CTNNA2: variants seen among roughly 807,000 people sequenced by gnomAD.
The protein encoded by CTNNA2 is catenin alpha 2, also known as catenin alpha-2.
Under a neutral mutation model 101.0 loss-of-function variants are expected in CTNNA2, and 42 were observed. That is an observed-to-expected ratio of 0.42 (90% CI 0.32 to 0.54). CTNNA2 has a LOEUF of 0.54. Among genes scored for constraint, CTNNA2 ranks in the 20% least tolerant of loss-of-function variants. The probability of loss-of-function intolerance (pLI) is 0.14; values close to 1 mark genes in which losing one functional copy is unlikely to be tolerated. For missense variants in CTNNA2, 871 were observed against 1,223.1 expected (o/e 0.71, Z 4.29); for synonymous variants, 450 against 456.4 (o/e 0.99, Z 0.18).
intron 12 of CTNNA2, among the ~76,000 whole-genome samples, chr2:80,570,493 G>GA (rs1694488409): frequency 6.6e-6 from 1 of 152,156 alleles, no homozygotes; most frequent in South Asian, 2.1e-4. Flanking sequence ...TGGTCTCAGA[G>GA]AAAGAGTTTC....
intron 9 of CTNNA2, 31 bp from the exon 10 acceptor site, chr2:80,544,951 C>T: frequency 6.3e-7 from 1 of 1,594,090 alleles, no homozygotes; most frequent in Non-Finnish European, 8.6e-7. Flanking sequence ...TTGCCCCAAC[C>T]TAATATTCAC....
At chr2:79,316,317 T>G (rs542825057) in intron 3 of CTNNA2, among the ~76,000 whole-genome samples, 41 of 152,202 alleles carry the variant, frequency 2.7e-4, no homozygotes, top group African/African-American at 9.4e-4. Flanking sequence ...TGTCTCTTCT[T>G]ATGCCTGTAC....
chr2:79,928,249 G>A (rs755147996), intron 7 of CTNNA2, among the ~76,000 whole-genome samples: 1 of 152,122 alleles, frequency 6.6e-6, no homozygotes, highest in Non-Finnish European at 1.5e-5. Context: ...TCTGTCCTAT[G>A]GCAGCTGTGG....
At chr2:79,718,948 G>T (rs115735645) in intron 2 of CTNNA2, among the ~76,000 whole-genome samples, 6 of 151,866 alleles carry the variant, frequency 4.0e-5, no homozygotes, top group Non-Finnish European at 8.8e-5. Context: ...TGATACAGGG[G>T]GTACATGTAC....
chr2:80,138,236 G>A (rs138870588), intron 7 of CTNNA2, among the ~76,000 whole-genome samples: 2 of 152,148 alleles, frequency 1.3e-5, no homozygotes, highest in African/African-American at 4.8e-5. Context: ...ATCCTTTAGT[G>A]TTGCCTGATC....
chr2:80,312,994 AG>A (rs1158032037), intron 7 of CTNNA2, among the ~76,000 whole-genome samples: 1 of 152,248 alleles, frequency 6.6e-6, no homozygotes, highest in Non-Finnish European at 1.5e-5. Flanking sequence ...TTTATTAACT[AG>A]TTTGAATGCT....
chr2:79,612,652 T>C (rs967872468), intron 1 of CTNNA2, among the ~76,000 whole-genome samples: 2 of 152,164 alleles, frequency 1.3e-5, no homozygotes, highest in African/African-American at 4.8e-5. Flanking sequence ...CTGTTTCTAA[T>C]GACTTAAGAC....
intron 7 of CTNNA2, among the ~76,000 whole-genome samples, chr2:80,324,385 T>C (rs1370950376): frequency 6.6e-6 from 1 of 152,120 alleles, no homozygotes; most frequent in Non-Finnish European, 1.5e-5. Flanking sequence ...TTCTTCAGCT[T>C]TCCTGTGGAT....
At chr2:79,694,601 A>G (rs1037806680) in intron 2 of CTNNA2, among the ~76,000 whole-genome samples, 1 of 151,874 alleles carries the variant, frequency 6.6e-6, no homozygotes, top group African/African-American at 2.4e-5. Context: ...CAGGGAAATA[A>G]CAGATTATAA....
At chr2:79,792,797 G>C (rs530628607) in intron 3 of CTNNA2, among the ~76,000 whole-genome samples, 1 of 152,224 alleles carries the variant, frequency 6.6e-6, no homozygotes, top group East Asian at 1.9e-4. Flanking sequence ...TCACTTGTGA[G>C]TACTCAACAA....
intron 7 of CTNNA2, among the ~76,000 whole-genome samples, chr2:80,054,399 T>A (rs1305187660): frequency 6.6e-6 from 1 of 151,792 alleles, no homozygotes; most frequent in Non-Finnish European, 1.5e-5. Context: ...GTACAGAGAG[T>A]GAAAATTCCA....
intron 2 of CTNNA2, among the ~76,000 whole-genome samples, chr2:79,680,816 G>A (rs1558832367): frequency 6.6e-6 from 1 of 152,140 alleles, no homozygotes; most frequent in Non-Finnish European, 1.5e-5. Flanking sequence ...GTAAAACTCT[G>A]AAAAGAGGTA....
In CTNNA2 at chr2:80,601,636, C is replaced by G. The variant is rs1347863998; in HGVS notation, c.2190-2438C>G. The G allele has an allele frequency of 2.6e-5, 4 of 151,304 alleles. 1 individual carries two copies. In the South Asian group the frequency reaches 8.3e-4, roughly 31 times the overall value. 9.4% of individuals were successfully genotyped at this position (151,304 alleles called of 1,614,324 possible). A position where few individuals can be genotyped will look rare whatever the true frequency, so the allele number is the denominator to read the frequency against. ...TTTTCTAAGGTTATTGCTGTCTTATCTTTTTTACTTTTGGATATTTTTCTC... is the reference window on the plus strand; with the variant it reads ...TTTTCTAAGGTTATTGCTGTCTTATGTTTTTTACTTTTGGATATTTTTCTC... On this transcript the variant is annotated intron_variant, in intron 15 of 18. Transcript: ENST00000402739.
At chr2:79,698,069 T>TATTC (rs1343461078) in intron 2 of CTNNA2, among the ~76,000 whole-genome samples, 6 of 152,114 alleles carry the variant, frequency 3.9e-5, no homozygotes, top group African/African-American at 1.4e-4. Context: ...TTTATTTATT[T>TATTC]ATTTTTGGTG....
intron 4 of CTNNA2, among the ~76,000 whole-genome samples, chr2:79,421,179 A>G (rs576587843): frequency 1.3e-5 from 2 of 152,170 alleles, no homozygotes; most frequent in Non-Finnish European, 2.9e-5. Flanking sequence ...ATTTATTAAA[A>G]GCTACTAAGT....
intron 3 of CTNNA2, among the ~76,000 whole-genome samples, chr2:79,345,047 C>A (rs1273331889): frequency 6.7e-6 from 1 of 149,678 alleles, no homozygotes; most frequent in African/African-American, 2.5e-5. Flanking sequence ...AACTTATGCA[C>A]TTTATTTATA....
At chr2:80,363,790 A>G (rs1250320607) in intron 7 of CTNNA2, among the ~76,000 whole-genome samples, 2 of 152,176 alleles carry the variant, frequency 1.3e-5, no homozygotes, top group Non-Finnish European at 2.9e-5. Context: ...CTTAGCCAGG[A>G]AATAAATTTT....
chr2:79,611,750 A>G (rs1041759575), intron 1 of CTNNA2, among the ~76,000 whole-genome samples: 3 of 152,160 alleles, frequency 2.0e-5, no homozygotes, highest in African/African-American at 7.2e-5. Flanking sequence ...CATCTGATTT[A>G]CTGCAGTATG....
chr2:79,889,597 T>C (rs1192141629), intron 6 of CTNNA2, among the ~76,000 whole-genome samples: 3 of 152,086 alleles, frequency 2.0e-5, no homozygotes, highest in African/African-American at 7.2e-5. Flanking sequence ...ATCTATAAAA[T>C]GAGATAATAA....
Sources: gnomAD v4.1 joint callset for allele counts (sites outside exome capture counted in the v4.1 genomes callset) on GRCh38, gnomAD v4.1.1 for gene constraint, MANE v1.5 for transcripts, NCBI Gene and HGNC (gene_info 2026-07-23, HGNC 2026-07-21) for gene names.